The following KIAA1671 variants were observed in gnomAD, a reference collection of about 807,000 sequenced individuals.
KIAA1671 encodes uncharacterized protein KIAA1671.
Under a neutral mutation model 131.2 loss-of-function variants are expected in KIAA1671, and 52 were observed. The ratio of observed to expected loss-of-function variants is 0.40; its 90% CI spans 0.32 to 0.50. The LOEUF is 0.50. Among genes scored for constraint, KIAA1671 ranks in the 20% least tolerant of loss-of-function variants. KIAA1671 has a pLI of 0.73. For synonymous variants in KIAA1671, 1,003 were observed against 961.6 expected (o/e 1.04, Z -0.80); for missense variants, 2,360 against 2,364.2 (o/e 1.00, Z 0.04).
At chr22:25,016,332 G>T (rs576716583) in intron 1 of KIAA1671, among the ~76,000 whole-genome samples, 87 of 152,230 alleles carry the variant, frequency 5.7e-4, no homozygotes, top group African/African-American at 1.6e-3. Context: ...AATCACAGGG[G>T]CTCCCTTAAA....
At chr22:25,034,051 T>G (rs1480320348) in intron 4 of KIAA1671, among the ~76,000 whole-genome samples, 2 of 151,178 alleles carry the variant, frequency 1.3e-5, no homozygotes, top group East Asian at 1.9e-4. Context: ...CCACTTTGTT[T>G]TTTTTTTTTT....
chr22:25,076,146 T>A (rs1282451483), intron 6 of KIAA1671, among the ~76,000 whole-genome samples: 1 of 152,184 alleles, frequency 6.6e-6, no homozygotes, highest in Admixed American at 6.5e-5. Context: ...AAAAAGTTTG[T>A]AACCATGATA....
chr22:25,148,522 C>T (rs1315181564), intron 6 of KIAA1671, among the ~76,000 whole-genome samples: 1 of 152,206 alleles, frequency 6.6e-6, no homozygotes, highest in Non-Finnish European at 1.5e-5. Context: ...CAGCAGTGGG[C>T]AACTGTAGGG....
intron 6 of KIAA1671, among the ~76,000 whole-genome samples, chr22:25,071,062 C>A (rs1486432944): frequency 6.6e-6 from 1 of 152,188 alleles, no homozygotes; most frequent in Non-Finnish European, 1.5e-5. Flanking sequence ...TGTGCCTGGG[C>A]AAGTTACTTC....
chr22:25,172,242 T>C (rs1933875118), intron 7 of KIAA1671, among the ~76,000 whole-genome samples: 1 of 152,178 alleles, frequency 6.6e-6, no homozygotes, highest in African/African-American at 2.4e-5. Context: ...TCCCCAGTTC[T>C]GACTCAGGAC....
chr22:24,963,637 T>A (rs1922134002), intron 1 of KIAA1671, among the ~76,000 whole-genome samples: 1 of 151,972 alleles, frequency 6.6e-6, no homozygotes. Context: ...ACTCTTTGCC[T>A]TTAGAAGTTT....
intron 9 of KIAA1671, among the ~76,000 whole-genome samples, chr22:25,179,899 C>T (rs1053753291): frequency 6.6e-6 from 1 of 152,160 alleles, no homozygotes; most frequent in African/African-American, 2.4e-5. Flanking sequence ...ATACATTTTC[C>T]TCTAAGGACT....
chr22:25,119,706 T>C (rs1931845646), intron 6 of KIAA1671, among the ~76,000 whole-genome samples: 1 of 152,148 alleles, frequency 6.6e-6, no homozygotes, highest in Admixed American at 6.5e-5. Context: ...GGAGGTGACA[T>C]TGGAGCAGAG....
chr22:25,011,634 C>CTTTTTTTTTTTTTTT (rs35127110), intron 1 of KIAA1671: 1 of 87,758 alleles, frequency 1.1e-5, no homozygotes, highest in Non-Finnish European at 2.5e-5. Context: ...CTTTTCTTTT[C>CTTTTTTTTTTTTTTT]TTTTTTTTTT....
chr22:25,030,286 C>T (rs2145790319), intron 3 of KIAA1671, among the ~76,000 whole-genome samples: 1 of 152,206 alleles, frequency 6.6e-6, no homozygotes, highest in South Asian at 2.1e-4. Flanking sequence ...CCTGTAATCC[C>T]AGCACTTCGG....
intron 1 of KIAA1671, among the ~76,000 whole-genome samples, chr22:24,970,341 G>C (rs532399402): frequency 1.4e-3 from 208 of 152,322 alleles, no homozygotes; most frequent in Non-Finnish European, 2.3e-3. Context: ...AGAGAGGAAA[G>C]GGCTGGGGGA....
At chr22:24,956,441 C>A (rs568270827) in intron 1 of KIAA1671, among the ~76,000 whole-genome samples, 2 of 152,314 alleles carry the variant, frequency 1.3e-5, no homozygotes, top group South Asian at 4.2e-4. Flanking sequence ...ATTTGAACTC[C>A]CTTCCAACTT....
At chr22:25,016,943 C>T (rs1214057263) in intron 1 of KIAA1671, among the ~76,000 whole-genome samples, 3 of 152,188 alleles carry the variant, frequency 2.0e-5, no homozygotes, top group Admixed American at 6.5e-5. Context: ...GGCCTATAGG[C>T]GGTGTGCCCA....
At chr22:25,110,834 C>G (rs1000605073) in intron 6 of KIAA1671, 1 of 152,438 alleles carries the variant, frequency 6.6e-6, no homozygotes, top group African/African-American at 2.4e-5. Flanking sequence ...CCCATTGCTC[C>G]CAGTGCTGAG....
At chr22:25,067,272 C>T (rs1468631563) in intron 6 of KIAA1671, among the ~76,000 whole-genome samples, 1 of 145,702 alleles carries the variant, frequency 6.9e-6, no homozygotes, top group African/African-American at 2.5e-5. Context: ...GGGTCTTGGA[C>T]CTTTGAACGT....
intron 1 of KIAA1671, among the ~76,000 whole-genome samples, chr22:24,971,050 C>A (rs576434325): frequency 2.0e-5 from 3 of 152,166 alleles, no homozygotes; most frequent in Non-Finnish European, 4.4e-5. Context: ...CTCTGCCTCC[C>A]GGATTCAAGT....
At position 25,194,479 on chromosome 22, in the gene KIAA1671, A is replaced by C. The variant is rs1379206408; in HGVS notation, c.*2078A>C. Reference sequence around the variant, plus strand: ...CTTGGTACCATCTCAAGCAGTAGGAAAGGACCTGCTCTTACATATATTGAT... The same window carrying C: ...CTTGGTACCATCTCAAGCAGTAGGACAGGACCTGCTCTTACATATATTGAT... On this transcript the variant is annotated 3_prime_UTR_variant, in exon 13 of 13. Transcript: ENST00000358431. 1.3e-5 allele frequency: 2 copies of C among 152,182 alleles called. No individual in the cohort carries two copies. The highest frequency in any genetic ancestry group is 4.8e-5 in the African/African-American group (2 of 41,452). 9.4% of individuals were successfully genotyped at this position (152,182 alleles called of 1,614,324 possible).
intron 1 of KIAA1671, among the ~76,000 whole-genome samples, chr22:25,021,360 G>A (rs1015823558): frequency 3.6e-4 from 54 of 151,790 alleles, no homozygotes; most frequent in Non-Finnish European, 4.0e-4. Context: ...CGCCTGGCCA[G>A]AGGCTGATTT....
intron 5 of KIAA1671, among the ~76,000 whole-genome samples, chr22:25,047,156 T>C (rs1273767111): frequency 8.1e-5 from 12 of 148,396 alleles, no homozygotes; most frequent in East Asian, 1.9e-4. Flanking sequence ...CTTTTCTTTT[T>C]TTTTTTTTTT....
Sources: allele counts gnomAD v4.1 joint callset (sites outside exome capture counted in the v4.1 genomes callset), GRCh38; gene constraint gnomAD v4.1.1; transcripts MANE v1.5; gene names NCBI Gene and HGNC (gene_info 2026-07-23, HGNC 2026-07-21).